The following LRRTM4 variants were observed in gnomAD, a reference collection of about 807,000 sequenced individuals.
LRRTM4 encodes leucine rich repeat transmembrane neuronal 4, also known as leucine-rich repeat transmembrane neuronal protein 4.
Under a neutral mutation model 47.6 loss-of-function variants are expected in LRRTM4, and 25 were observed. The ratio of observed to expected loss-of-function variants is 0.53; its 90% CI spans 0.38 to 0.73. LRRTM4 has a LOEUF of 0.73. Ranked by LOEUF, LRRTM4 falls within the 30% of genes least tolerant of loss-of-function variation. The pLI is 0.00. For synonymous variants in LRRTM4, 311 were observed against 269.5 expected (o/e 1.15, Z -1.51); for missense variants, 638 against 713.4 (o/e 0.89, Z 1.20).
chr2:76,793,871 TTC>T (rs1675112991), intron 3 of LRRTM4, among the ~76,000 whole-genome samples: 1 of 152,176 alleles, frequency 6.6e-6, no homozygotes, highest in Non-Finnish European at 1.5e-5. Context: ...ACAAATACAA[TTC>T]GTATGATCTA....
intron 3 of LRRTM4, among the ~76,000 whole-genome samples, chr2:77,110,341 T>C (rs1306651600): frequency 6.6e-6 from 1 of 151,996 alleles, no homozygotes. Context: ...TAAAATACAA[T>C]AACATCTTCA....
At chr2:77,215,496 CA>C (rs1309859056) in intron 3 of LRRTM4, among the ~76,000 whole-genome samples, 1 of 152,134 alleles carries the variant, frequency 6.6e-6, no homozygotes, top group African/African-American at 2.4e-5. Flanking sequence ...GTATCTTTAA[CA>C]GGGGAGAATT....
chr2:77,505,462 G>A (rs1678731619), intron 3 of LRRTM4, among the ~76,000 whole-genome samples: 1 of 151,362 alleles, frequency 6.6e-6, no homozygotes, highest in East Asian at 1.9e-4. Flanking sequence ...ACATATTTTT[G>A]TTGAATAAAT....
Position 76,828,305 on chromosome 2 carries a change from T to C in LRRTM4, c.1552-79389A>G, listed in dbSNP as rs1173718706. ...CTTAAAACTTCAAGAGGAAAAGGCT[T>C]CCTCCATAATTGCATCTTATTTGGG... On this transcript the variant is annotated intron_variant, in intron 3 of 3. Coordinates refer to ENST00000409884, the MANE Select transcript of LRRTM4 (RefSeq NM_001134745.3). Among the ~76,000 whole-genome samples the C allele has an allele frequency of 2.0e-5, 3 of 152,028 alleles. No individual in the cohort carries two copies. The East Asian group carries it at 5.8e-4, about 29-fold the overall frequency.
At chr2:77,483,507 A>G (rs531799492) in intron 3 of LRRTM4, among the ~76,000 whole-genome samples, 1 of 152,192 alleles carries the variant, frequency 6.6e-6, no homozygotes, top group South Asian at 2.1e-4. Flanking sequence ...CGCTCAGCTA[A>G]TTTTTGTATT....
At chr2:77,308,408 G>A (rs1302789978) in intron 3 of LRRTM4, among the ~76,000 whole-genome samples, 2 of 151,744 alleles carry the variant, frequency 1.3e-5, no homozygotes, top group African/African-American at 2.4e-5. Flanking sequence ...ATAAACAATC[G>A]ACTAACACCT....
intron 3 of LRRTM4, among the ~76,000 whole-genome samples, chr2:77,156,642 T>A (rs549189965): frequency 6.6e-6 from 1 of 151,790 alleles, no homozygotes; most frequent in African/African-American, 2.4e-5. Flanking sequence ...ACAAATGCAT[T>A]TGAACATGAA....
chr2:77,417,003 G>A (rs193242582), intron 3 of LRRTM4, among the ~76,000 whole-genome samples: 24 of 152,008 alleles, frequency 1.6e-4, no homozygotes, highest in East Asian at 1.4e-3. Context: ...ATCTGACAAG[G>A]GGCTAATATC....
rs139701585 is a variant in LRRTM4, at chr2:77,436,524, A to C, written c.1551+81794T>G. On this transcript the variant is annotated intron_variant, in intron 3 of 3. Transcript: ENST00000409884. The stretch of plus-strand genomic sequence containing the variant: ...GAAGTCAGAGCTTGATGTTAGGAGA[A>C]AGTAAGTTTTGGACCAATAGAAAAG... 1.7e-3 allele frequency among the ~76,000 whole-genome samples: 260 copies of C among 151,990 alleles called. 2 individuals carry two copies. Among genetic ancestry groups the C allele is most frequent in the African/African-American group, 6.1e-3 (252 of 41,542 alleles).
At chr2:76,881,913 T>TTG (rs919799916) in intron 3 of LRRTM4, among the ~76,000 whole-genome samples, 9 of 152,218 alleles carry the variant, frequency 5.9e-5, no homozygotes, top group African/African-American at 2.2e-4. Flanking sequence ...TGTATTTTTG[T>TTG]GTCAGAAATA....
intron 3 of LRRTM4, among the ~76,000 whole-genome samples, chr2:76,900,920 A>T (rs1038398457): frequency 6.6e-6 from 1 of 152,188 alleles, no homozygotes; most frequent in African/African-American, 2.4e-5. Flanking sequence ...ATTTTGAAAG[A>T]CCTAAAAATA....
At chr2:77,360,253 A>G (rs1421716234) in intron 3 of LRRTM4, among the ~76,000 whole-genome samples, 1 of 151,984 alleles carries the variant, frequency 6.6e-6, no homozygotes, top group Non-Finnish European at 1.5e-5. Flanking sequence ...GTCAGGAGAC[A>G]GAGACTATCC....
At chr2:77,290,960 A>G (rs1462656588) in intron 3 of LRRTM4, among the ~76,000 whole-genome samples, 3 of 152,048 alleles carry the variant, frequency 2.0e-5, no homozygotes, top group Admixed American at 6.6e-5. Context: ...CTCAATATAC[A>G]TAAGAGTCCC....
At chr2:76,875,108 G>A (rs1672741843) in intron 3 of LRRTM4, among the ~76,000 whole-genome samples, 1 of 152,046 alleles carries the variant, frequency 6.6e-6, no homozygotes, top group African/African-American at 2.4e-5. Flanking sequence ...GCTTCTGCAT[G>A]AGGCCAAGTA....
At position 76,928,267 on chromosome 2, in the gene LRRTM4, C is replaced by G. The variant is rs371287739; in HGVS notation, c.1552-179351G>C. On this transcript the variant is annotated intron_variant, in intron 3 of 3. Coordinates refer to ENST00000409884, the MANE Select transcript of LRRTM4 (RefSeq NM_001134745.3). ...AAAATTCAGTGTTAATTGGAGTTCT[C>G]TATTTTGACTGTCAGTTCTCTCATT... Among the ~76,000 whole-genome samples the G allele has an allele frequency of 5.5e-4, 83 of 152,252 alleles. 1 individual carries two copies. In the South Asian group the frequency reaches 0.017, roughly 31 times the overall value.
At chr2:77,330,648 T>C (rs1033167782) in intron 3 of LRRTM4, among the ~76,000 whole-genome samples, 6 of 152,200 alleles carry the variant, frequency 3.9e-5, no homozygotes, top group African/African-American at 1.2e-4. Context: ...TGTATATATG[T>C]TTATTTTATA....
intron 3 of LRRTM4, among the ~76,000 whole-genome samples, chr2:77,077,955 C>A (rs906157588): frequency 1.3e-5 from 2 of 152,106 alleles, no homozygotes; most frequent in Admixed American, 1.3e-4. Context: ...AAGAGAGACA[C>A]AAAGAAGTAA....
At chr2:76,950,935 G>A (rs796279740) in intron 3 of LRRTM4, among the ~76,000 whole-genome samples, 2 of 151,966 alleles carry the variant, frequency 1.3e-5, no homozygotes, top group Non-Finnish European at 2.9e-5. Flanking sequence ...ATGCATTCAC[G>A]TGCAGCCTGT....
chr2:77,163,090 G>C (rs1278120796), intron 3 of LRRTM4, among the ~76,000 whole-genome samples: 1 of 152,082 alleles, frequency 6.6e-6, no homozygotes, highest in Admixed American at 6.6e-5. Context: ...AAAAAGATTA[G>C]ACAAATGGCT....
Sources: gnomAD v4.1 joint callset for allele counts (sites outside exome capture counted in the v4.1 genomes callset) on GRCh38, gnomAD v4.1.1 for gene constraint, MANE v1.5 for transcripts, NCBI Gene and HGNC (gene_info 2026-07-23, HGNC 2026-07-21) for gene names.